Variants in CRADD observed in about 807,000 individuals in gnomAD.
CRADD encodes death domain-containing protein CRADD.
In CRADD, 9 loss-of-function variants were observed where a neutral mutation model predicts 15.5. That is an observed-to-expected ratio of 0.58 (90% CI 0.35 to 1.01). The LOEUF (loss-of-function observed/expected upper bound fraction) is 1.01, where lower values mean the gene tolerates loss of function less well. Among genes scored for constraint, CRADD ranks in the 50% least tolerant of loss-of-function variants. The probability of loss-of-function intolerance (pLI) is 0.02; values close to 1 mark genes in which losing one functional copy is unlikely to be tolerated. For missense variants in CRADD, 227 were observed against 250.3 expected, an observed-to-expected ratio of 0.91 and a Z score of 0.63; for synonymous variants, 118 against 107.6, an observed-to-expected ratio of 1.10 and a Z score of -0.60.
intron 2 of CRADD, among the ~76,000 whole-genome samples, chr12:93,856,090 G>C (rs1958271971): frequency 6.6e-6 from 1 of 152,256 alleles, no homozygotes; most frequent in African/African-American, 2.4e-5. Context: ...ACAGGCGTGA[G>C]CCACTGCGCC....
rs1958195989 is a variant in CRADD, at chr12:93,850,113, T to C, written c.442T>C (p.Cys148Arg). The change falls in exon 3 of 3, where the codon TGT becomes CGT. Residue 148 changes from cysteine to arginine, a missense_variant. Coordinates refer to ENST00000332896, the MANE Select transcript of CRADD (RefSeq NM_003805.5). This position sits in a 1 kb window ranked among gnomAD's most constrained non-coding sequence, Gnocchi z 4.0. Reference protein sequence around the residue: ...LGLSQTDIYRCKANHPHNVQS... With the variant: ...LGLSQTDIYRRKANHPHNVQS... Reference sequence around the variant, plus strand: ...ACTGTCCCAGACGGATATCTACCGCTGTAAGGCCAACCACCCCCACAACGT... The same window carrying C: ...ACTGTCCCAGACGGATATCTACCGCCGTAAGGCCAACCACCCCCACAACGT... The C allele has an allele frequency of 1.2e-6, 2 of 1,614,118 alleles. No individual in the cohort carries two copies. Among genetic ancestry groups the C allele is most frequent in the Non-Finnish European group, 1.7e-6 (2 of 1,179,970 alleles).
intron 2 of CRADD, among the ~76,000 whole-genome samples, chr12:93,804,732 A>T (rs1957517344): frequency 6.6e-6 from 1 of 152,222 alleles, no homozygotes; most frequent in South Asian, 2.1e-4. Flanking sequence ...CAGTTGGAAA[A>T]TAAAACTTCA....
chr12:93,799,465 A>G (rs1957454929), intron 2 of CRADD, among the ~76,000 whole-genome samples: 1 of 152,160 alleles, frequency 6.6e-6, no homozygotes, highest in Non-Finnish European at 1.5e-5. Flanking sequence ...CCTCTCTTCT[A>G]TTCCCAGGTA....
intron 2 of CRADD, among the ~76,000 whole-genome samples, chr12:93,744,422 T>A (rs529078347): frequency 2.6e-5 from 4 of 152,200 alleles, no homozygotes; most frequent in Non-Finnish European, 5.9e-5. Flanking sequence ...CTTCCCCTAA[T>A]GTGTTTCTCT....
intron 2 of CRADD, among the ~76,000 whole-genome samples, chr12:93,786,987 A>G (rs1317910423): frequency 6.6e-6 from 1 of 152,204 alleles, no homozygotes; most frequent in Non-Finnish European, 1.5e-5. Context: ...TTAAGGATTT[A>G]TATTGCAGTT....
At chr12:93,858,538 T>C (rs1263678797) in intron 2 of CRADD, among the ~76,000 whole-genome samples, 3 of 152,204 alleles carry the variant, frequency 2.0e-5, no homozygotes, top group African/African-American at 7.2e-5. Context: ...CTGTTGGGAC[T>C]CAGAAAACAA....
intron 2 of CRADD, among the ~76,000 whole-genome samples, chr12:93,694,254 C>T (rs112713888): frequency 9.9e-4 from 151 of 152,114 alleles, no homozygotes; most frequent in African/African-American, 3.4e-3. Context: ...AAAAAGCTTT[C>T]GACAAATGTC....
chr12:93,873,491 G>T lies in CRADD; in HGVS notation c.299-20559G>T, dbSNP rs528356269. Among the ~76,000 whole-genome samples, 22 of 152,098 alleles carry T rather than the reference G, an allele frequency of 1.4e-4. 1 individual carries two copies. In the South Asian group the frequency reaches 4.6e-3, roughly 32 times the overall value. ...GGGCACATCCTTGTCCTGTTCTAGA[G>T]CTTACAGGAAAGGCTTTAAGTTTTT... On this transcript the variant is annotated intron_variant, in intron 2 of 2. Transcript: ENST00000548483.
At chr12:93,731,576 C>G (rs1592940149) in intron 2 of CRADD, among the ~76,000 whole-genome samples, 2 of 152,224 alleles carry the variant, frequency 1.3e-5, no homozygotes, top group African/African-American at 4.8e-5. Flanking sequence ...ATGTATCCTT[C>G]TCCATAGATA....
At chr12:93,718,690 T>C (rs1956205909) in intron 2 of CRADD, among the ~76,000 whole-genome samples, 2 of 152,140 alleles carry the variant, frequency 1.3e-5, no homozygotes, top group Non-Finnish European at 2.9e-5. Context: ...TCCAATTTGA[T>C]CTTGAAAAGC....
At chr12:93,829,073 A>G (rs544142868) in intron 2 of CRADD, among the ~76,000 whole-genome samples, 2 of 152,242 alleles carry the variant, frequency 1.3e-5, no homozygotes, top group African/African-American at 4.8e-5. Flanking sequence ...GCCAAAGGAT[A>G]CAAGGAAAAA....
chr12:93,751,757 G>A (rs571182698), intron 2 of CRADD, among the ~76,000 whole-genome samples: 15 of 152,288 alleles, frequency 9.8e-5, no homozygotes, highest in African/African-American at 2.4e-4. Flanking sequence ...CCAGCTACTC[G>A]GGAGACTGAG....
rs1957549391 is a variant in CRADD, at chr12:93,807,215, C to T, written c.299-42755C>T. On this transcript the variant is annotated intron_variant, in intron 2 of 2. Coordinates refer to ENST00000332896, the MANE Select transcript of CRADD (RefSeq NM_003805.5). Reference sequence around the variant, plus strand: ...TAGAAACTCATTTTTGTGAAACTGTCCCTGCTCTAGTACCTTTGGGAAGTC... The same window carrying T: ...TAGAAACTCATTTTTGTGAAACTGTTCCTGCTCTAGTACCTTTGGGAAGTC... Among the ~76,000 whole-genome samples the T allele has an allele frequency of 5.3e-5, 8 of 152,098 alleles. 1 individual carries two copies.
At chr12:93,857,994 G>A (rs553711833) in intron 2 of CRADD, among the ~76,000 whole-genome samples, 37 of 152,344 alleles carry the variant, frequency 2.4e-4, no homozygotes, top group African/African-American at 8.4e-4. Flanking sequence ...TCAAGTTTCT[G>A]TCAGCCTCTG....
intron 2 of CRADD, among the ~76,000 whole-genome samples, chr12:93,698,816 C>G (rs73359675): frequency 6.6e-6 from 1 of 152,162 alleles, no homozygotes; most frequent in African/African-American, 2.4e-5. Context: ...TTGAAAATCA[C>G]ATGAAATGCA....
rs114438279 is a variant in CRADD, at chr12:93,704,737, C to T, written c.298+25665C>T. Among the ~76,000 whole-genome samples, 599 of 152,304 alleles carry T rather than the reference C, an allele frequency of 3.9e-3. 1 individual carries two copies. Among genetic ancestry groups the T allele is most frequent in the African/African-American group, 0.013 (560 of 41,558 alleles). ...CCTCACCAGGGCCCAAAAGGGACAC[C>T]GTGACCTGGGGACTCCTGCTGGCTT... On this transcript the variant is annotated intron_variant, in intron 2 of 2. Transcript: ENST00000332896.
At chr12:93,776,589 C>T (rs908215546) in intron 2 of CRADD, among the ~76,000 whole-genome samples, 3 of 152,090 alleles carry the variant, frequency 2.0e-5, no homozygotes, top group Non-Finnish European at 1.5e-5. Context: ...CCAAGAGAAA[C>T]AGAAACACAG....
At chr12:93,796,547 G>T (rs957288754) in intron 2 of CRADD, among the ~76,000 whole-genome samples, 1 of 150,012 alleles carries the variant, frequency 6.7e-6, no homozygotes, top group African/African-American at 2.5e-5. Context: ...AGAGGGTGCA[G>T]TGAGCCGAGA....
intron 2 of CRADD, among the ~76,000 whole-genome samples, chr12:93,770,434 C>T (rs762193802): frequency 4.7e-5 from 7 of 149,850 alleles, no homozygotes; most frequent in Non-Finnish European, 7.5e-5. Context: ...TATTCTTTTA[C>T]CTTTCACATT....
Sources: allele counts gnomAD v4.1 joint callset (sites outside exome capture counted in the v4.1 genomes callset), GRCh38; gene constraint gnomAD v4.1.1; non-coding constraint Gnocchi (gnomAD v3.1); transcripts MANE v1.5; gene names NCBI Gene and HGNC (gene_info 2026-07-23, HGNC 2026-07-21).